HCN1: variants seen among roughly 807,000 people sequenced by gnomAD.
HCN1 encodes the protein potassium/sodium hyperpolarization-activated cyclic nucleotide-gated channel 1.
A neutral mutation model predicts 78.9 loss-of-function variants in HCN1; 13 were observed. The ratio of observed to expected loss-of-function variants is 0.16; its 90% confidence interval spans 0.11 to 0.26. HCN1 has a LOEUF of 0.26. Ranked by LOEUF, HCN1 falls within the 10% of genes least tolerant of loss-of-function variation. HCN1 has a pLI of 1.00. For missense variants in HCN1, 810 were observed against 1,154.3 expected (o/e 0.70, Z 4.32); for synonymous variants, 552 against 455.5 (o/e 1.21, Z -2.70).
At chr5:45,668,289 G>A (rs1746088932) in intron 1 of HCN1, among the ~76,000 whole-genome samples, 1 of 151,774 alleles carries the variant, frequency 6.6e-6, no homozygotes, top group Non-Finnish European at 1.5e-5. Flanking sequence ...GATTCGGTGG[G>A]AGGTGATTGG....
In HCN1 at chr5:45,558,918, AT is replaced by A. The variant is rs34322744; in HGVS notation, c.849+86266del. ...TAGGTACATACCACCACATCCAGCT[AT>A]TTTTTTTTTTTTTTTTTTTTTTTTA... On this transcript the variant is annotated intron_variant, in intron 2 of 7. Transcript: ENST00000303230. 918 of 94,844 alleles carry A rather than the reference AT, an allele frequency of 9.7e-3. 10 individuals are homozygous for A. Among genetic ancestry groups the A allele is most frequent in the African/African-American group, 0.034 (771 of 22,978 alleles). The allele number at this position is 94,844 out of a possible 1,614,324, so 5.9% of individuals were successfully genotyped here.
chr5:45,288,620 T>C (rs1345949469), intron 6 of HCN1, among the ~76,000 whole-genome samples: 1 of 152,026 alleles, frequency 6.6e-6, no homozygotes, highest in East Asian at 1.9e-4. Context: ...CCTAATCCTT[T>C]TATAGTTTTG....
At position 45,396,606 on chromosome 5, in the gene HCN1, G is replaced by A; in HGVS notation, c.1116C>T (p.Leu372=). 1 of 1,613,894 alleles carries A rather than the reference G, an allele frequency of 6.2e-7. No homozygotes were observed. The highest frequency in any genetic ancestry group is 8.5e-7 in the Non-Finnish European group (1 of 1,179,886). ...GAQAPVSMSD[L]WITMLSMIVG... ...CGATCATGCTCAGCATGGTAATCCA[G>A]AGGTCAGACATGCTGACTGGGGCTT... Residue 372 remains leucine (L), a synonymous_variant, in exon 4 of 8, where the codon CTC becomes CTT. Coordinates refer to ENST00000303230, the MANE Select transcript of HCN1 (RefSeq NM_021072.4).
In HCN1 at chr5:45,424,117, TCCAAAA is replaced by T. The variant is rs1291587197; in HGVS notation, c.1012-27413_1012-27408del. 2.1e-3 allele frequency among the ~76,000 whole-genome samples: 102 copies of T among 48,742 alleles called. 2 individuals are homozygous for T. The highest frequency in any genetic ancestry group is 6.5e-3 in the African/African-American group (89 of 13,762). 32.0% of individuals were successfully genotyped at this position (48,742 alleles called of 152,430 possible). On this transcript the variant is annotated intron_variant, in intron 3 of 7. Coordinates refer to ENST00000303230, the MANE Select transcript of HCN1 (RefSeq NM_021072.4). ...GGTGAAACCCCATCTCTACTAAAAA[TCCAAAA>T]AAAAAAAAAAAAAAAAAAAATTAGC...
At chr5:45,358,911 C>T (rs1160209875) in intron 4 of HCN1, among the ~76,000 whole-genome samples, 2 of 152,086 alleles carry the variant, frequency 1.3e-5, no homozygotes, top group African/African-American at 4.8e-5. Context: ...CCTATTTTTT[C>T]TGAGGGCTGC....
At chr5:45,538,418 C>T (rs777516401) in intron 2 of HCN1, among the ~76,000 whole-genome samples, 11 of 152,050 alleles carry the variant, frequency 7.2e-5, no homozygotes, top group African/African-American at 1.4e-4. Context: ...ATGGTCTCTA[C>T]GTACATTACT....
Position 45,314,815 on chromosome 5 carries a change from G to A in HCN1, c.1378-10976C>T, listed in dbSNP as rs536176237. 6.6e-5 allele frequency among the ~76,000 whole-genome samples: 10 copies of A among 152,254 alleles called. No individual in the cohort carries two copies. The South Asian group carries it at 2.1e-3, about 32-fold the overall frequency. On this transcript the variant is annotated intron_variant, in intron 5 of 7. Coordinates refer to ENST00000303230, the MANE Select transcript of HCN1 (RefSeq NM_021072.4). ...ACCAACAAAGATCAAAAGAGACAAA[G>A]AAGGCCATTACATAATGGTAAAGGG...
chr5:45,389,099 A>T (rs1747989068), intron 4 of HCN1, among the ~76,000 whole-genome samples: 1 of 152,134 alleles, frequency 6.6e-6, no homozygotes, highest in Middle Eastern at 3.2e-3. Context: ...ACAAGATAGC[A>T]TGGTTGCCTA....
At chr5:45,495,995 C>T (rs927998501) in intron 2 of HCN1, among the ~76,000 whole-genome samples, 50 of 152,210 alleles carry the variant, frequency 3.3e-4, no homozygotes, top group African/African-American at 6.7e-4. Flanking sequence ...CTGCTGGATT[C>T]GGTTTGCTAG....
Position 45,262,152 on chromosome 5 carries a change from G to A in HCN1, c.2442C>T (p.Ser814=), listed in dbSNP as rs2111838716. 6.2e-7 allele frequency: 1 copy of A among 1,613,784 alleles called. No individual in the cohort carries two copies. Among genetic ancestry groups the A allele is most frequent in the Non-Finnish European group, 8.5e-7 (1 of 1,179,872 alleles). Residue 814 remains serine, a synonymous_variant, in exon 8 of 8, where the codon TCC becomes TCT. Transcript: ENST00000303230. ...PHPTVGESLA[S]IPQPVTAVPG... is the part of the protein sequence containing the mutation. ...GGACCGCCGTCACGGGTTGAGGGAT[G>A]GAGGCCAGGGACTCGCCCACAGTGG... is the stretch of plus-strand genomic sequence containing the variant.
chr5:45,465,827 GAGACACGGTGCTTT>G (rs1387552665), intron 2 of HCN1, among the ~76,000 whole-genome samples: 1 of 152,078 alleles, frequency 6.6e-6, no homozygotes, highest in Non-Finnish European at 1.5e-5. Flanking sequence ...ATGTCTTTAG[GAGACACGGTGCTTT>G]ACATTTGTCC....
rs555667073 is a variant in HCN1 at position 45,494,084 on chromosome 5, A to G, written c.850-32077T>C. 1.6e-4 allele frequency among the ~76,000 whole-genome samples: 25 copies of G among 152,234 alleles called. No homozygotes were observed. The East Asian group carries it at 4.6e-3, about 28-fold the overall frequency. On this transcript the variant is annotated intron_variant, in intron 2 of 7. Transcript: ENST00000303230. ...ATACGTGTGCATGTGTCTTTATAGC[A>G]GCATGATTTATAGTCCTTTGGGTAT...
At chr5:45,473,026 C>G (rs916360328) in intron 2 of HCN1, among the ~76,000 whole-genome samples, 5 of 151,834 alleles carry the variant, frequency 3.3e-5, no homozygotes, top group Non-Finnish European at 4.4e-5. Context: ...AATGCCTAAC[C>G]TTTACAGAGT....
chr5:45,487,128 T>C (rs1455025547), intron 2 of HCN1, among the ~76,000 whole-genome samples: 1 of 152,114 alleles, frequency 6.6e-6, no homozygotes, highest in Non-Finnish European at 1.5e-5. Flanking sequence ...CTGTACCTAA[T>C]GCCAAAACAA....
intron 2 of HCN1, among the ~76,000 whole-genome samples, chr5:45,472,264 T>C (rs1276183747): frequency 6.6e-6 from 1 of 151,842 alleles, no homozygotes; most frequent in Non-Finnish European, 1.5e-5. Context: ...CATACTCAAA[T>C]GTTGCTTCCT....
intron 5 of HCN1, among the ~76,000 whole-genome samples, chr5:45,328,356 G>T (rs905925885): frequency 1.3e-5 from 2 of 151,262 alleles, no homozygotes; most frequent in African/African-American, 2.4e-5. Context: ...ATTACATAGA[G>T]AACTTTCACC....
intron 5 of HCN1, among the ~76,000 whole-genome samples, chr5:45,316,560 C>T (rs1466384179): frequency 6.6e-6 from 1 of 152,026 alleles, no homozygotes; most frequent in African/African-American, 2.4e-5. Context: ...GAAGTTCTGG[C>T]CAGGGCAATC....
intron 5 of HCN1, among the ~76,000 whole-genome samples, chr5:45,345,898 C>T (rs1364596348): frequency 4.6e-5 from 7 of 152,190 alleles, no homozygotes; most frequent in African/African-American, 1.4e-4. Context: ...CTGAAATAGC[C>T]TGTTCTCATG....
intron 5 of HCN1, among the ~76,000 whole-genome samples, chr5:45,351,095 T>G (rs1029640739): frequency 3.3e-5 from 5 of 152,186 alleles, no homozygotes; most frequent in African/African-American, 4.8e-5. Context: ...AGAACAAAGC[T>G]GGAGGCATCA....
Sources: gnomAD v4.1 joint callset for allele counts (sites outside exome capture counted in the v4.1 genomes callset) on GRCh38, gnomAD v4.1.1 for gene constraint, MANE v1.5 for transcripts, NCBI Gene and HGNC (gene_info 2026-07-23, HGNC 2026-07-21) for gene names.